Variants in NFIA observed in about 807,000 individuals in gnomAD.
The protein encoded by NFIA is nuclear factor 1 A-type.
A neutral mutation model predicts 62.8 loss-of-function variants in NFIA; 8 were observed. That is an observed-to-expected ratio of 0.13 (90% CI 0.07 to 0.23). The LOEUF (loss-of-function observed/expected upper bound fraction) is 0.23, where lower values mean the gene tolerates loss of function less well. Ranked by LOEUF, NFIA falls within the 10% of genes least tolerant of loss-of-function variation. NFIA has a pLI of 1.00. For missense variants in NFIA, 410 were observed against 642.1 expected, an observed-to-expected ratio of 0.64 and a Z score of 3.91; for synonymous variants, 235 against 238.1, an observed-to-expected ratio of 0.99 and a Z score of 0.12.
At chr1:61,433,447 T>G (rs908885672) in intron 10 of NFIA, among the ~76,000 whole-genome samples, 1 of 151,554 alleles carries the variant, frequency 6.6e-6, no homozygotes, top group African/African-American at 2.4e-5. Context: ...TTTGTTGTTG[T>G]TGGTTTCTTT....
At chr1:61,441,069 A>G (rs1414526498) in intron 10 of NFIA, among the ~76,000 whole-genome samples, 4 of 152,164 alleles carry the variant, frequency 2.6e-5, no homozygotes, top group African/African-American at 4.8e-5. Flanking sequence ...CTAATCAGAG[A>G]CAGAGCAGGA....
At chr1:61,201,360 A>C (rs1181865322) in intron 2 of NFIA, among the ~76,000 whole-genome samples, 1 of 152,152 alleles carries the variant, frequency 6.6e-6, no homozygotes, top group Non-Finnish European at 1.5e-5. Context: ...TTTAAAATGT[A>C]ATTCTTTTTC....
At chr1:61,098,932 A>G (rs529668999) in intron 2 of NFIA, among the ~76,000 whole-genome samples, 12 of 152,060 alleles carry the variant, frequency 7.9e-5, no homozygotes, top group Admixed American at 7.2e-4. Context: ...GTGTAACCAT[A>G]TATATATATG....
chr1:61,275,731 A>G (rs1657769798), intron 2 of NFIA, among the ~76,000 whole-genome samples: 1 of 152,178 alleles, frequency 6.6e-6, no homozygotes, highest in Non-Finnish European at 1.5e-5. Flanking sequence ...TTTCCAGAAC[A>G]AAAACAATGG....
chr1:61,412,478 A>G (rs1666149847), intron 9 of NFIA, among the ~76,000 whole-genome samples: 1 of 152,140 alleles, frequency 6.6e-6, no homozygotes, highest in Non-Finnish European at 1.5e-5. Flanking sequence ...ATTTGCTGAC[A>G]CATTAGATGT....
At chr1:61,146,276 A>G (rs1476508011) in intron 2 of NFIA, among the ~76,000 whole-genome samples, 1 of 152,088 alleles carries the variant, frequency 6.6e-6, no homozygotes, top group Non-Finnish European at 1.5e-5. Flanking sequence ...CAACTTGATC[A>G]CAGCTGCAGA....
chr1:61,297,400 A>G, intron 3 of NFIA, among the ~76,000 whole-genome samples: 1 of 152,198 alleles, frequency 6.6e-6, no homozygotes, highest in East Asian at 1.9e-4. Context: ...ACTGACCCAT[A>G]GCTTACATTA....
chr1:61,424,312 A>G (rs75608249), intron 9 of NFIA, among the ~76,000 whole-genome samples: 212 of 152,280 alleles, frequency 1.4e-3, no homozygotes, highest in South Asian at 3.9e-3. Flanking sequence ...CAAGCTTGCT[A>G]TAGTGAAGCT....
chr1:61,161,401 A>G (rs939646633), intron 2 of NFIA, among the ~76,000 whole-genome samples: 4 of 152,156 alleles, frequency 2.6e-5, no homozygotes, highest in Non-Finnish European at 4.4e-5. Context: ...CACAAGTCTG[A>G]TTTTTCATTC....
intron 2 of NFIA, among the ~76,000 whole-genome samples, chr1:61,119,404 A>G (rs973834988): frequency 2.0e-5 from 3 of 152,246 alleles, no homozygotes; most frequent in Non-Finnish European, 4.4e-5. Flanking sequence ...CTAGAAAGTA[A>G]ACTTGAACGT....
chr1:61,331,797 A>G (rs897282614), intron 3 of NFIA, among the ~76,000 whole-genome samples: 10 of 152,190 alleles, frequency 6.6e-5, no homozygotes, highest in African/African-American at 2.4e-4. Context: ...TCGACATAAT[A>G]CCAGGTGTCT....
intron 3 of NFIA, among the ~76,000 whole-genome samples, chr1:61,306,806 C>T (rs1185143039): frequency 6.6e-6 from 1 of 152,166 alleles, no homozygotes; most frequent in Non-Finnish European, 1.5e-5. Flanking sequence ...TCTATAGGAA[C>T]AGCAAATCCA....
At chr1:61,137,715 C>A (rs1288630373) in intron 2 of NFIA, among the ~76,000 whole-genome samples, 1 of 152,126 alleles carries the variant, frequency 6.6e-6, no homozygotes, top group Non-Finnish European at 1.5e-5. Flanking sequence ...GCTTTAAAAT[C>A]TCTCTACCTC....
At chr1:61,156,546 A>G (rs1021056641) in intron 2 of NFIA, among the ~76,000 whole-genome samples, 1 of 152,226 alleles carries the variant, frequency 6.6e-6, no homozygotes, top group African/African-American at 2.4e-5. Flanking sequence ...CGGGTAGTTT[A>G]AAATGATATT....
At chr1:61,448,505 T>G (rs569819219) in intron 10 of NFIA, among the ~76,000 whole-genome samples, 3 of 152,336 alleles carry the variant, frequency 2.0e-5, no homozygotes, top group Non-Finnish European at 2.9e-5. Flanking sequence ...TACCCCTGGC[T>G]TTCTGGCTTT....
intron 2 of NFIA, among the ~76,000 whole-genome samples, chr1:61,121,180 T>C (rs1271170824): frequency 4.6e-5 from 7 of 152,192 alleles, no homozygotes; most frequent in Non-Finnish European, 1.0e-4. Flanking sequence ...TTAAGGTTGA[T>C]TAAGTGATCA....
intron 3 of NFIA, among the ~76,000 whole-genome samples, chr1:61,287,988 C>G (rs1658614951): frequency 6.6e-6 from 1 of 152,158 alleles, no homozygotes; most frequent in African/African-American, 2.4e-5. Context: ...TGCTTAAATT[C>G]CATTCCTTCC....
rs192747645 is a variant in NFIA, at chr1:61,161,567, C to T, written c.559+72887C>T. On this transcript the variant is annotated intron_variant, in intron 2 of 10. Transcript: ENST00000403491. ...GTAGCTTGAGATCCTCTCTTTCTCT[C>T]TAGACATGCGCCATGTGCAACACAC... Among the ~76,000 whole-genome samples, 33 of 147,118 alleles carry T rather than the reference C, an allele frequency of 2.2e-4. No homozygotes were observed. In the East Asian group the frequency reaches 6.7e-3, roughly 30 times the overall value.
At chr1:61,389,134 A>T (rs547541560) in intron 7 of NFIA, among the ~76,000 whole-genome samples, 1 of 152,272 alleles carries the variant, frequency 6.6e-6, no homozygotes, top group South Asian at 2.1e-4. Flanking sequence ...AAAAGCAAGT[A>T]TGTGATTCAA....
Sources: allele counts gnomAD v4.1 joint callset (sites outside exome capture counted in the v4.1 genomes callset), GRCh38; gene constraint gnomAD v4.1.1; transcripts MANE v1.5; gene names NCBI Gene and HGNC (gene_info 2026-07-23, HGNC 2026-07-21).